SOX5: variants seen among roughly 807,000 people sequenced by gnomAD.
SOX5 encodes the protein SRY-box transcription factor 5.
Under a neutral mutation model 92.0 loss-of-function variants are expected in SOX5, and 9 were observed. The observed-to-expected ratio is 0.10, with a 90% CI of 0.06 to 0.17. The LOEUF is 0.17. Among genes scored for constraint, SOX5 ranks in the 10% least tolerant of loss-of-function variants. The pLI is 1.00. For missense variants in SOX5, 642 were observed against 944.5 expected (o/e 0.68, Z 4.20); for synonymous variants, 344 against 336.3 (o/e 1.02, Z -0.25).
chr12:24,368,797 C>A (rs1956420233), intron 1 of SOX5, among the ~76,000 whole-genome samples: 2 of 152,332 alleles, frequency 1.3e-5, no homozygotes, highest in South Asian at 4.1e-4. Context: ...ACTGCACATT[C>A]TTATAAATCT....
chr12:23,598,460 G>A (rs956862523), intron 9 of SOX5, among the ~76,000 whole-genome samples: 1 of 142,382 alleles, frequency 7.0e-6, no homozygotes, highest in African/African-American at 2.7e-5. Flanking sequence ...GTGCAGTGGC[G>A]CGATCTCGGC....
At chr12:24,103,597 C>A (rs550543301) in intron 4 of SOX5, among the ~76,000 whole-genome samples, 1 of 152,252 alleles carries the variant, frequency 6.6e-6, no homozygotes, top group Non-Finnish European at 1.5e-5. Flanking sequence ...CTCAAGTGAT[C>A]CTCACGCCTT....
intron 1 of SOX5, among the ~76,000 whole-genome samples, chr12:24,451,701 G>T (rs1016435720): frequency 4.6e-5 from 7 of 152,118 alleles, no homozygotes; most frequent in Admixed American, 3.9e-4. Context: ...TTTAACCTGG[G>T]CTCTAACCGA....
chr12:24,327,581 A>G (rs1950853861), intron 2 of SOX5, among the ~76,000 whole-genome samples: 4 of 150,920 alleles, frequency 2.7e-5, no homozygotes, highest in Admixed American at 6.6e-5. Context: ...ATGCCCAGCT[A>G]ATTTTTATTT....
At chr12:23,938,843 C>G (rs1361420779) in intron 1 of SOX5, among the ~76,000 whole-genome samples, 3 of 150,882 alleles carry the variant, frequency 2.0e-5, no homozygotes, top group Non-Finnish European at 4.5e-5. Flanking sequence ...ATATTAACTA[C>G]AAAACTAAAA....
At chr12:24,060,837 T>C (rs535461453) in intron 4 of SOX5, among the ~76,000 whole-genome samples, 33 of 152,284 alleles carry the variant, frequency 2.2e-4, no homozygotes, top group African/African-American at 7.5e-4. Flanking sequence ...TGCTTAAAAA[T>C]GAAGCTAACA....
intron 4 of SOX5, among the ~76,000 whole-genome samples, chr12:23,744,070 C>A (rs961383179): frequency 6.6e-6 from 1 of 152,168 alleles, no homozygotes; most frequent in Non-Finnish European, 1.5e-5. Context: ...GCATCTTCAG[C>A]ATTCTCACAT....
At chr12:24,127,059 T>C (rs986566954) in intron 4 of SOX5, among the ~76,000 whole-genome samples, 1 of 151,902 alleles carries the variant, frequency 6.6e-6, no homozygotes, top group Non-Finnish European at 1.5e-5. Flanking sequence ...ACATTATAAA[T>C]GTCATAATAC....
At chr12:24,301,963 A>G (rs1204794065) in intron 2 of SOX5, among the ~76,000 whole-genome samples, 1 of 152,150 alleles carries the variant, frequency 6.6e-6, no homozygotes, top group Non-Finnish European at 1.5e-5. Context: ...ATATATATAT[A>G]TAATTATTTA....
chr12:23,970,817 C>A (rs867371226), intron 4 of SOX5, among the ~76,000 whole-genome samples: 2 of 29,186 alleles, frequency 6.9e-5, no homozygotes, highest in Non-Finnish European at 1.5e-4. Context: ...TGCTAGGTCA[C>A]ATGGGACTTT....
chr12:24,425,728 G>A (rs1489197100), intron 1 of SOX5, among the ~76,000 whole-genome samples: 3 of 152,110 alleles, frequency 2.0e-5, no homozygotes, highest in African/African-American at 7.2e-5. Context: ...AAGTCACCGG[G>A]CTGTTCCTCA....
At chr12:24,059,396 A>C (rs1939227263) in intron 4 of SOX5, among the ~76,000 whole-genome samples, 1 of 150,096 alleles carries the variant, frequency 6.7e-6, no homozygotes, top group South Asian at 2.1e-4. Flanking sequence ...TTGGCGCTTG[A>C]GTATTTCAAG....
intron 4 of SOX5, among the ~76,000 whole-genome samples, chr12:24,102,323 T>A (rs1593176713): frequency 1.3e-5 from 2 of 152,184 alleles, no homozygotes; most frequent in Non-Finnish European, 2.9e-5. Flanking sequence ...AACCAACTAG[T>A]AAATTTGCAA....
chr12:23,638,568 C>T (rs1456053920), intron 8 of SOX5: 1 of 152,102 alleles, frequency 6.6e-6, no homozygotes. Context: ...TTAGGTAAGG[C>T]TTATAATAAA....
At chr12:23,770,834 A>G (rs756645982) in intron 3 of SOX5, among the ~76,000 whole-genome samples, 1 of 152,202 alleles carries the variant, frequency 6.6e-6, no homozygotes, top group African/African-American at 2.4e-5. Flanking sequence ...TTACTAGACT[A>G]CAAACAGTAA....
chr12:23,987,495 C>G (rs1486242249), intron 4 of SOX5, among the ~76,000 whole-genome samples: 1 of 152,050 alleles, frequency 6.6e-6, no homozygotes, highest in African/African-American at 2.4e-5. Context: ...GAGGCAACCA[C>G]AACTCCATCA....
intron 6 of SOX5, among the ~76,000 whole-genome samples, chr12:23,667,572 G>A (rs1238191088): frequency 6.6e-6 from 1 of 152,068 alleles, no homozygotes; most frequent in African/African-American, 2.4e-5. Context: ...ATGCTAATGA[G>A]GAAATAAGAC....
At chr12:23,792,622 C>CAAAAAAAAAAAAAAAAAAAAAAAAA (rs749845598) in intron 3 of SOX5, among the ~76,000 whole-genome samples, 1 of 38,964 alleles carries the variant, frequency 2.6e-5, no homozygotes, top group Non-Finnish European at 3.8e-5. Context: ...GGCTCTGTCT[C>CAAAAAAAAAAAAAAAAAAAAAAAAA]AAAAAAAAAA....
At position 24,423,896 on chromosome 12, in the gene SOX5, G is replaced by A. The variant is rs375471072; in HGVS notation, c.-250-55257C>T. Among the ~76,000 whole-genome samples the A allele has an allele frequency of 2.8e-4, 43 of 152,312 alleles. No individual in the cohort carries two copies. The East Asian group carries it at 8.1e-3, about 29-fold the overall frequency. Reference sequence around the variant, plus strand: ...AGATGCATAGGCACCACTGGACACTGCGCAGCAATGACAGAGCTGCATGGA... The same window carrying A: ...AGATGCATAGGCACCACTGGACACTACGCAGCAATGACAGAGCTGCATGGA... On this transcript the variant is annotated intron_variant, in intron 1 of 4. Coordinates refer to the SOX5 transcript ENST00000446891.
Sources: allele counts gnomAD v4.1 joint callset (sites outside exome capture counted in the v4.1 genomes callset), GRCh38; gene constraint gnomAD v4.1.1; transcripts MANE v1.5; gene names NCBI Gene and HGNC (gene_info 2026-07-23, HGNC 2026-07-21).